Variants in ANTXR2 observed in about 807,000 individuals in gnomAD.
ANTXR2 encodes ANTXR cell adhesion molecule 2.
In ANTXR2, 44 loss-of-function variants were observed where a neutral mutation model predicts 73.7. That is an observed-to-expected ratio of 0.60 (90% CI 0.47 to 0.77). The LOEUF (loss-of-function observed/expected upper bound fraction) is 0.77. ANTXR2 is among the 30% of genes least tolerant of loss of function. The pLI is 0.00. For missense variants in ANTXR2, 604 were observed against 592.5 expected (o/e 1.02, Z -0.20); for synonymous variants, 217 against 205.9 (o/e 1.05, Z -0.46).
chr4:80,069,173 G>T (rs1165555576), intron 3 of ANTXR2, among the ~76,000 whole-genome samples: 2 of 151,026 alleles, frequency 1.3e-5, no homozygotes, highest in African/African-American at 4.9e-5. Flanking sequence ...AGAGGCCGGG[G>T]AAGGTAGGAA....
chr4:79,931,301 C>T (rs10013085), intron 16 of ANTXR2, among the ~76,000 whole-genome samples: 83,604 of 152,026 alleles, frequency 0.55, 26,011 homozygotes, highest in East Asian at 0.96. Context: ...TTTTATTTTT[C>T]AAGAGAGAGC....
intron 14 of ANTXR2, among the ~76,000 whole-genome samples, chr4:79,981,003 G>A (rs975126636): frequency 6.6e-6 from 1 of 151,694 alleles, no homozygotes; most frequent in Non-Finnish European, 1.5e-5. Context: ...TTGCACAGTG[G>A]CACCTGCCTG....
At chr4:80,025,126 C>A (rs1232648998) in intron 10 of ANTXR2, among the ~76,000 whole-genome samples, 1 of 152,136 alleles carries the variant, frequency 6.6e-6, no homozygotes, top group Non-Finnish European at 1.5e-5. Flanking sequence ...ACTTTCATGT[C>A]AACTGACAAT....
At chr4:79,923,373 T>A (rs1727661163) in intron 16 of ANTXR2, among the ~76,000 whole-genome samples, 2 of 152,126 alleles carry the variant, frequency 1.3e-5, no homozygotes. Flanking sequence ...TCTTCCTGGC[T>A]TATTTAGTCA....
At chr4:80,006,924 G>A (rs946324147) in intron 12 of ANTXR2, among the ~76,000 whole-genome samples, 1 of 152,016 alleles carries the variant, frequency 6.6e-6, no homozygotes, top group Non-Finnish European at 1.5e-5. Flanking sequence ...TTACATTAGG[G>A]CATCTTTTTG....
intron 16 of ANTXR2, among the ~76,000 whole-genome samples, chr4:79,966,927 C>T: frequency 4.1e-5 from 1 of 24,318 alleles, no homozygotes; most frequent in African/African-American, 5.8e-5. Flanking sequence ...CCAAGATGGC[C>T]GAATAGGAAC....
chr4:80,034,408 C>A (rs1184647825), intron 8 of ANTXR2, among the ~76,000 whole-genome samples: 1 of 151,946 alleles, frequency 6.6e-6, no homozygotes, highest in Non-Finnish European at 1.5e-5. Flanking sequence ...GCAGAAGATT[C>A]TTGAATTAGA....
rs1044725898 is a variant in ANTXR2 at position 79,931,754 on chromosome 4, T to C, written c.1429-24287A>G. ...AGAAATTCTCAAGCAAATGAGCATATTTAATTTATTTGCCACAAATGCATT... is the reference window on the plus strand; with the variant it reads ...AGAAATTCTCAAGCAAATGAGCATACTTAATTTATTTGCCACAAATGCATT... On this transcript the variant is annotated intron_variant, in intron 16 of 16. Transcript: ENST00000403729. 2.0e-5 allele frequency among the ~76,000 whole-genome samples: 3 copies of C among 152,322 alleles called. No homozygotes were observed. In the South Asian group the frequency reaches 6.2e-4, roughly 32 times the overall value.
At chr4:80,008,440 A>G in intron 12 of ANTXR2, 81 bp downstream of exon 12, 1 of 1,081,290 alleles carries the variant, frequency 9.2e-7, no homozygotes, top group Non-Finnish European at 1.3e-6. Context: ...TGTTATTAAC[A>G]TGGCATTTAT....
chr4:79,911,237 C>T (rs36116720), intron 16 of ANTXR2, among the ~76,000 whole-genome samples: 11,373 of 152,060 alleles, frequency 0.075, 508 homozygotes, highest in Middle Eastern at 0.14. Context: ...ATAGTGCCTA[C>T]ACAATAAAGG....
intron 16 of ANTXR2, among the ~76,000 whole-genome samples, chr4:79,951,250 C>G (rs921122381): frequency 5.3e-5 from 8 of 152,078 alleles, no homozygotes; most frequent in Admixed American, 1.3e-4. Context: ...ACATTCATAG[C>G]TAAGTGCTAG....
intron 12 of ANTXR2, among the ~76,000 whole-genome samples, chr4:79,985,989 C>T (rs956447180): frequency 6.6e-6 from 1 of 151,930 alleles, no homozygotes; most frequent in African/African-American, 2.4e-5. Flanking sequence ...TTACAGGCGC[C>T]CGCCACCACG....
chr4:80,010,471 C>T (rs976180877), intron 11 of ANTXR2, among the ~76,000 whole-genome samples: 1 of 152,178 alleles, frequency 6.6e-6, no homozygotes, highest in Non-Finnish European at 1.5e-5. Context: ...GATCCAGCCA[C>T]AGCACTCATA....
At chr4:79,956,401 T>G (rs1002601461) in intron 16 of ANTXR2, among the ~76,000 whole-genome samples, 5 of 152,098 alleles carry the variant, frequency 3.3e-5, no homozygotes, top group Non-Finnish European at 7.4e-5. Flanking sequence ...AATCAAGAGC[T>G]GCACTGTAAA....
chr4:79,981,518 T>C (rs1429256700), intron 14 of ANTXR2, among the ~76,000 whole-genome samples: 1 of 152,178 alleles, frequency 6.6e-6, no homozygotes, highest in African/African-American at 2.4e-5. Context: ...ATAAGGTGTG[T>C]GTCAAACATA....
chr4:80,018,901 T>G lies in ANTXR2; in HGVS notation c.942A>C (p.Glu314Asp), dbSNP rs1347248376. Residue 314 changes from glutamate (E) to aspartate (D), a missense_variant, in exon 11 of 17, where the codon GAA becomes GAC. Coordinates refer to ENST00000403729, the MANE Select transcript of ANTXR2 (RefSeq NM_058172.6). ...CTTTGTGCAAACTTTTACTTACACA[T>G]TCTGTGGCTGTGACAATTAATGATC... Reference protein sequence around the residue: ...ISGSLIVTATECSNGIAAIIV... With the variant: ...ISGSLIVTATDCSNGIAAIIV... 2.0e-6 allele frequency: 3 copies of G among 1,520,264 alleles called. No individual in the cohort carries two copies. In the South Asian group the frequency reaches 3.9e-5, roughly 20 times the overall value. The allele number at this position is 1,520,264 out of a possible 1,614,324, so 94.2% of individuals were successfully genotyped here.
intron 2 of ANTXR2, among the ~76,000 whole-genome samples, chr4:80,070,211 T>C (rs1734725767): frequency 6.6e-6 from 1 of 152,184 alleles, no homozygotes; most frequent in African/African-American, 2.4e-5. Flanking sequence ...AAAATCAGAA[T>C]CCTCTCAAAG....
chr4:79,945,069 T>C (rs890588924), intron 16 of ANTXR2, among the ~76,000 whole-genome samples: 1 of 152,158 alleles, frequency 6.6e-6, no homozygotes, highest in Non-Finnish European at 1.5e-5. Context: ...TAGATTCTTC[T>C]ATACCAGAGT....
intron 11 of ANTXR2, 23 bp downstream of exon 11, chr4:80,018,875 T>A: frequency 6.8e-7 from 1 of 1,478,548 alleles, no homozygotes; most frequent in South Asian, 1.4e-5. Context: ...TAAAAGATAA[T>A]CTTTGTGCAA....
Sources: allele counts gnomAD v4.1 joint callset (sites outside exome capture counted in the v4.1 genomes callset), GRCh38; gene constraint gnomAD v4.1.1; transcripts MANE v1.5; gene names NCBI Gene and HGNC (gene_info 2026-07-23, HGNC 2026-07-21).